Variants in GPC6 observed in about 807,000 individuals in gnomAD.
The protein encoded by GPC6 is glypican 6.
Under a neutral mutation model 55.2 loss-of-function variants are expected in GPC6, and 14 were observed. The observed-to-expected ratio is 0.25, with a 90% CI of 0.17 to 0.40. GPC6 has a LOEUF of 0.40. Ranked by LOEUF, GPC6 falls within the 10% of genes least tolerant of loss-of-function variation. The pLI is 1.00. For synonymous variants in GPC6, 278 were observed against 259.6 expected (o/e 1.07, Z -0.68); for missense variants, 641 against 708.5 (o/e 0.90, Z 1.08).
At chr13:93,378,745 C>G (rs952535535) in intron 1 of GPC6, among the ~76,000 whole-genome samples, 1 of 151,998 alleles carries the variant, frequency 6.6e-6, no homozygotes, top group African/African-American at 2.4e-5. Context: ...CTTGTAATCC[C>G]ACCGCTTTGG....
chr13:94,087,526 A>G (rs1361775540), intron 4 of GPC6, among the ~76,000 whole-genome samples: 5 of 152,206 alleles, frequency 3.3e-5, no homozygotes, highest in African/African-American at 9.6e-5. Context: ...TAAGATCCCA[A>G]TATGTTTCAG....
intron 4 of GPC6, among the ~76,000 whole-genome samples, chr13:94,067,578 TATAGATAGATAGATAG>T (rs5805846): frequency 7.7e-4 from 113 of 147,682 alleles, no homozygotes; most frequent in African/African-American, 2.2e-3. Context: ...ATAGATAGAT[TATAGATAGATAGATAG>T]ATAGATAGAT....
In GPC6 at chr13:93,623,925, T is replaced by C. The variant is rs1234440182; in HGVS notation, c.319+78504T>C. On this transcript the variant is annotated intron_variant, in intron 2 of 8. Transcript: ENST00000377047. ...CCTTCTCAGGTCTTTTGCCCGTTTT[T>C]TAACTGGAATTTTTTTCTCCCTTGA... Among the ~76,000 whole-genome samples, 3 of 152,164 alleles carry C rather than the reference T, an allele frequency of 2.0e-5. No individual in the cohort carries two copies. In the East Asian group the frequency reaches 5.8e-4, roughly 29 times the overall value.
chr13:94,264,546 A>T (rs1891739420), intron 4 of GPC6, among the ~76,000 whole-genome samples: 3 of 152,240 alleles, frequency 2.0e-5, no homozygotes, highest in Non-Finnish European at 4.4e-5. Flanking sequence ...TCTGGTCACT[A>T]GACGGTAAAA....
At chr13:93,608,865 T>G (rs1878350804) in intron 2 of GPC6, among the ~76,000 whole-genome samples, 2 of 152,222 alleles carry the variant, frequency 1.3e-5, no homozygotes, top group South Asian at 4.1e-4. Flanking sequence ...GTCTTTGAGA[T>G]TCAAACTACT....
At chr13:94,184,078 A>G (rs1889089870) in intron 4 of GPC6, among the ~76,000 whole-genome samples, 1 of 152,208 alleles carries the variant, frequency 6.6e-6, no homozygotes, top group Non-Finnish European at 1.5e-5. Context: ...TTCATTCTGC[A>G]TATGGCTGGC....
intron 1 of GPC6, among the ~76,000 whole-genome samples, chr13:93,351,121 A>G (rs1484043990): frequency 6.6e-6 from 1 of 152,168 alleles, no homozygotes; most frequent in Non-Finnish European, 1.5e-5. Flanking sequence ...TTTCTATAAT[A>G]AAACAGTGGT....
intron 3 of GPC6, among the ~76,000 whole-genome samples, chr13:93,919,683 G>A (rs986191316): frequency 1.3e-5 from 2 of 152,164 alleles, no homozygotes; most frequent in African/African-American, 4.8e-5. Context: ...TATTGTTCTT[G>A]CCTTATTTTT....
At position 93,393,125 on chromosome 13, in the gene GPC6, T is replaced by TAG. The variant is rs1394640725; in HGVS notation, c.161-152137_161-152136insGA. 3.4e-3 allele frequency among the ~76,000 whole-genome samples: 333 copies of TAG among 96,726 alleles called. 1 individual carries two copies. Among genetic ancestry groups the TAG allele is most frequent in the East Asian group, 0.015 (49 of 3,378 alleles). 63.5% of individuals were successfully genotyped at this position (96,726 alleles called of 152,430 possible). Reference sequence around the variant, plus strand: ...TATATTTGATATATATATATATATATATAGAGAGAGAGAGAGAGAGAGAGA... The same window carrying TAG: ...TATATTTGATATATATATATATATATAGATAGAGAGAGAGAGAGAGAGAGAGA... On this transcript the variant is annotated intron_variant, in intron 1 of 8. Transcript: ENST00000377047.
intron 1 of GPC6, among the ~76,000 whole-genome samples, chr13:93,264,920 G>A (rs150576917): frequency 1.3e-5 from 2 of 152,198 alleles, no homozygotes; most frequent in Admixed American, 6.5e-5. Flanking sequence ...AATAGAATAT[G>A]TGAATCCCTA....
chr13:94,178,150 C>G (rs923005115), intron 4 of GPC6, among the ~76,000 whole-genome samples: 1 of 151,964 alleles, frequency 6.6e-6, no homozygotes, highest in Non-Finnish European at 1.5e-5. Context: ...TCCCAAGTAG[C>G]TACCATGCCC....
intron 6 of GPC6, among the ~76,000 whole-genome samples, chr13:94,339,428 C>T (rs1339913935): frequency 6.6e-6 from 1 of 152,082 alleles, no homozygotes; most frequent in African/African-American, 2.4e-5. Flanking sequence ...ATAAGTTACG[C>T]GATGTAACTT....
chr13:93,343,277 T>G (rs1880321381), intron 1 of GPC6, among the ~76,000 whole-genome samples: 1 of 152,140 alleles, frequency 6.6e-6, no homozygotes, highest in Admixed American at 6.5e-5. Flanking sequence ...AGTATATGGA[T>G]CAAGTTTAAC....
At chr13:93,891,960 A>T (rs938991251) in intron 3 of GPC6, among the ~76,000 whole-genome samples, 13 of 151,854 alleles carry the variant, frequency 8.6e-5, no homozygotes, top group Non-Finnish European at 1.5e-4. Context: ...TATATATATA[A>T]AAATTGTCAA....
At chr13:93,516,797 G>A (rs1881215192) in intron 1 of GPC6, among the ~76,000 whole-genome samples, 1 of 150,844 alleles carries the variant, frequency 6.6e-6, no homozygotes, top group Non-Finnish European at 1.5e-5. Context: ...CTGCCTGTGG[G>A]CTCCTCTGAA....
At chr13:94,118,853 C>A (rs184362501) in intron 4 of GPC6, among the ~76,000 whole-genome samples, 3 of 152,164 alleles carry the variant, frequency 2.0e-5, no homozygotes, top group African/African-American at 7.2e-5. Context: ...AGAAACACTT[C>A]CTGTGCTTTA....
chr13:94,001,985 G>A (rs925725720), intron 3 of GPC6, among the ~76,000 whole-genome samples: 2 of 152,060 alleles, frequency 1.3e-5, no homozygotes, highest in African/African-American at 2.4e-5. Context: ...AGCCACATGT[G>A]TTTGCTTATT....
At chr13:94,204,049 T>G (rs1889832969) in intron 4 of GPC6, among the ~76,000 whole-genome samples, 1 of 152,142 alleles carries the variant, frequency 6.6e-6, no homozygotes, top group African/African-American at 2.4e-5. Context: ...ATCCAATAAA[T>G]TTACACTTCC....
intron 1 of GPC6, among the ~76,000 whole-genome samples, chr13:93,421,193 A>C (rs1359426190): frequency 6.6e-6 from 1 of 152,058 alleles, no homozygotes; most frequent in African/African-American, 2.4e-5. Context: ...ATGGGCATGG[A>C]GAGAGAGAAA....
Sources: gnomAD v4.1 joint callset for allele counts (sites outside exome capture counted in the v4.1 genomes callset) on GRCh38, gnomAD v4.1.1 for gene constraint, MANE v1.5 for transcripts, NCBI Gene and HGNC (gene_info 2026-07-23, HGNC 2026-07-21) for gene names.